KIF26A: variants seen among roughly 807,000 people sequenced by gnomAD.
The protein encoded by KIF26A is kinesin-like protein KIF26A.
In KIF26A, 74 loss-of-function variants were observed where a neutral mutation model predicts 126.0. The ratio of observed to expected loss-of-function variants is 0.59; its 90% CI spans 0.49 to 0.71. The LOEUF (loss-of-function observed/expected upper bound fraction) is 0.71, where lower values mean the gene tolerates loss of function less well. Among genes scored for constraint, KIF26A ranks in the 30% least tolerant of loss-of-function variants. The pLI, the probability that KIF26A is intolerant of heterozygous loss-of-function variation, is 0.00. For synonymous variants in KIF26A, 1,445 were observed against 1,232.7 expected, an observed-to-expected ratio of 1.17 and a Z score of -3.61; for missense variants, 2,984 against 2,763.3, an observed-to-expected ratio of 1.08 and a Z score of -1.79.
In KIF26A at chr14:104,176,920, G is replaced by A; in HGVS notation, c.4132G>A (p.Ala1378Thr). The A allele has an allele frequency of 6.5e-7, 1 of 1,537,472 alleles. No homozygotes were observed. Among genetic ancestry groups the A allele is most frequent in the South Asian group, 1.2e-5 (1 of 83,908 alleles). The change falls in exon 12 of 15, where the codon GCC (alanine) becomes ACC (threonine). Residue 1378 changes from alanine to threonine, a missense_variant. Transcript: ENST00000423312. Reference sequence around the variant, plus strand: ...CAGCCTGGAGCAGAGGAGCAGCCCGGCCTCGGCCCCTCCGCATGCTGTGAA... The same window carrying A: ...CAGCCTGGAGCAGAGGAGCAGCCCGACCTCGGCCCCTCCGCATGCTGTGAA... ...KSSLEQRSSP[A>T]SAPPHAVNPA...
chr14:104,178,651 CT>C lies in KIF26A; in HGVS notation c.5213del (p.Leu1738ArgfsTer5), dbSNP rs1351353140. The C allele has an allele frequency of 2.6e-6, 4 of 1,555,188 alleles. No individual in the cohort carries two copies. Among genetic ancestry groups the C allele is most frequent in the Non-Finnish European group, 3.5e-6 (4 of 1,150,096 alleles). On this transcript the variant is annotated frameshift_variant, in exon 13 of 15. Transcript: ENST00000423312. LOFTEE classifies it high-confidence loss of function. Reference sequence around the variant, plus strand: ...GCAGTGGGTGGACCTGCCCCCGCCCCTGGCTGGCTCCCTGAAGGAGCCGTTC... The same window carrying C: ...GCAGTGGGTGGACCTGCCCCCGCCCCGGCTGGCTCCCTGAAGGAGCCGTTC... ...PGQWVDLPPP[L>X]AGSLKEPFEI...
At position 104,152,514 on chromosome 14, in the gene KIF26A, G is replaced by C; in HGVS notation, c.735+53G>C. On this transcript the variant is annotated intron_variant, in intron 3 of 14. Coordinates refer to ENST00000423312, the MANE Select transcript of KIF26A (RefSeq NM_015656.2). This position sits in a 1 kb window ranked among gnomAD's most constrained non-coding sequence, Gnocchi z 5.9. ...CTGCTGGCCTCCTTGTCAGAACTGG[G>C]CTTCCTTCGGGGGTCTCTGTCCACG... 6.8e-7 allele frequency: 1 copy of C among 1,473,560 alleles called. No individual in the cohort carries two copies. Among genetic ancestry groups the C allele is most frequent in the East Asian group, 2.5e-5 (1 of 40,500 alleles). The allele number at this position is 1,473,560 out of a possible 1,614,324, so 91.3% of individuals were successfully genotyped here. A position where few individuals can be genotyped will look rare whatever the true frequency, so the allele number is the denominator to read the frequency against.
chr14:104,161,387 C>T (rs1314912401), intron 4 of KIF26A, among the ~76,000 whole-genome samples: 2 of 152,204 alleles, frequency 1.3e-5, no homozygotes, highest in Non-Finnish European at 2.9e-5. Context: ...TAAGTGATTC[C>T]TGCACGCGAC....
chr14:104,149,379 C>G (rs1246858430), intron 2 of KIF26A, among the ~76,000 whole-genome samples: 2 of 152,170 alleles, frequency 1.3e-5, no homozygotes, highest in Admixed American at 1.3e-4. Flanking sequence ...CTGGCTGGCA[C>G]CTGGGCTGCT....
intron 5 of KIF26A, among the ~76,000 whole-genome samples, chr14:104,170,957 G>A (rs1210052285): frequency 2.0e-5 from 3 of 152,264 alleles, no homozygotes; most frequent in Non-Finnish European, 2.9e-5. Flanking sequence ...CAGCACCAGG[G>A]CTGCCTGGTT....
intron 3 of KIF26A, among the ~76,000 whole-genome samples, chr14:104,153,959 T>G (rs1483129296): frequency 6.6e-6 from 1 of 152,154 alleles, no homozygotes; most frequent in Non-Finnish European, 1.5e-5. Context: ...ATGTGCACAT[T>G]GATCGTGGCC....
intron 4 of KIF26A, among the ~76,000 whole-genome samples, chr14:104,161,008 C>T (rs552237200): frequency 5.4e-5 from 8 of 148,644 alleles, no homozygotes; most frequent in Admixed American, 2.7e-4. Context: ...AGCAGAAGTG[C>T]AGCGCCTGCG....
At chr14:104,174,333 C>A in intron 11 of KIF26A, 23 bp downstream of exon 11, 3 of 1,504,592 alleles carry the variant, frequency 2.0e-6, no homozygotes, top group Non-Finnish European at 2.7e-6. Flanking sequence ...TCCTGCCCGC[C>A]CCATCTCGGG....
At chr14:104,160,624 G>A (rs936418485) in intron 4 of KIF26A, among the ~76,000 whole-genome samples, 8 of 152,166 alleles carry the variant, frequency 5.3e-5, no homozygotes, top group African/African-American at 1.9e-4. Context: ...GTGGCCCCGG[G>A]GTTAGGAGTT....
In KIF26A at chr14:104,167,191, T is replaced by C. The variant is rs985995570; in HGVS notation, c.1113+143T>C. 14 of 908,686 alleles carry C rather than the reference T, an allele frequency of 1.5e-5. No individual in the cohort carries two copies. The Admixed American group carries it at 2.3e-4, about 15-fold the overall frequency. The allele number at this position is 908,686 out of a possible 1,614,324, so 56.3% of individuals were successfully genotyped here. A position where few individuals can be genotyped will look rare whatever the true frequency, so the allele number is the denominator to read the frequency against. ...GGTCAGTGGGGTGCCATGGGGAGAC[T>C]GAGGCCCAGGTGGCAGCAGGGAGCC... On this transcript the variant is annotated intron_variant, in intron 5 of 14. Transcript: ENST00000423312.
In KIF26A at chr14:104,178,707, G is replaced by C; in HGVS notation, c.5268G>C (p.Val1756=). The change falls in exon 13 of 15, where the codon GTG becomes GTC. Residue 1756 remains valine, a synonymous_variant. Coordinates refer to ENST00000423312, the MANE Select transcript of KIF26A (RefSeq NM_015656.2). ...FEIKVYEIDD[V]ERLQRPRPTP... is the part of the protein sequence containing the mutation. ...TCAAGGTGTACGAGATCGATGACGT[G>C]GAGCGCCTTCAGCGGCCCCGCCCCA... 2 of 1,561,852 alleles carry C rather than the reference G, an allele frequency of 1.3e-6. No homozygotes were observed. Among genetic ancestry groups the C allele is most frequent in the Non-Finnish European group, 1.7e-6 (2 of 1,153,200 alleles).
In KIF26A at chr14:104,177,264, G is replaced by A. The variant is rs200305714; in HGVS notation, c.4476G>A (p.Lys1492=). The A allele has an allele frequency of 3.4e-4, 546 of 1,594,594 alleles. 1 individual carries two copies. In the African/African-American group the frequency reaches 6.5e-3, roughly 19 times the overall value. ...CAGCCAAGGCTGTGGGGGCCCCCAA[G>A]CCCCCTGTTGGTGGAGGCAAGGGCC... The part of the protein sequence containing the change: ...SGAAKAVGAP[K]PPVGGGKGRG... Residue 1492 remains lysine, a synonymous_variant, in exon 12 of 15, where the codon AAG becomes AAA. Coordinates refer to ENST00000423312, the MANE Select transcript of KIF26A (RefSeq NM_015656.2).
At chr14:104,174,041 T>C in intron 10 of KIF26A, 107 bp from the exon 11 acceptor site, 1 of 1,410,158 alleles carries the variant, frequency 7.1e-7, no homozygotes, top group Non-Finnish European at 9.4e-7. Context: ...GCTGGGCTGG[T>C]GCCGGAGCTG....
chr14:104,155,491 T>A (rs1596136971), intron 3 of KIF26A, among the ~76,000 whole-genome samples: 1 of 34,364 alleles, frequency 2.9e-5, no homozygotes, highest in Non-Finnish European at 1.0e-4. Flanking sequence ...TTTCCTTCCG[T>A]TTGCTGCTGT....
In KIF26A at chr14:104,166,960, G is replaced by A. The variant is rs2141109893; in HGVS notation, c.1025G>A (p.Gly342Glu). The A allele has an allele frequency of 6.3e-7, 1 of 1,590,738 alleles. No homozygotes were observed. The highest frequency in any genetic ancestry group is 2.3e-5 in the East Asian group (1 of 43,722). Residue 342 changes from glycine to glutamate, a missense_variant, in exon 5 of 15, where the codon GGG (glycine) becomes GAG (glutamate). Physicochemically the swap from Gly to Glu is moderately conservative, Grantham distance 98. Transcript: ENST00000423312. Reference sequence around the variant, plus strand: ...TCCACCTACCCCACCGACTTCAGCGGGGTCCTGCAGCTGTGGCCGCCCCCG... The same window carrying A: ...TCCACCTACCCCACCGACTTCAGCGAGGTCCTGCAGCTGTGGCCGCCCCCG... ...GTSTYPTDFS[G>E]VLQLWPPPAP...
At chr14:104,164,260 C>T (rs1282622195) in intron 4 of KIF26A, among the ~76,000 whole-genome samples, 6 of 127,912 alleles carry the variant, frequency 4.7e-5, no homozygotes, top group Admixed American at 1.6e-4. Flanking sequence ...GTGGGGGGGG[C>T]GTGGGGCATG....
rs573167604 is a variant in KIF26A at position 104,176,709 on chromosome 14, G to A, written c.3921G>A (p.Arg1307=). 6.3e-7 allele frequency: 1 copy of A among 1,588,172 alleles called. No individual in the cohort carries two copies. The highest frequency in any genetic ancestry group is 2.3e-5 in the East Asian group (1 of 44,236). ...PEAVARIPPL[R]RGATTLGVTT... is the part of the protein sequence containing the mutation. ...CTGTGGCTCGGATCCCACCGCTGCGGAGGGGTGCCACCACGCTGGGTGTGA... is the reference window on the plus strand; with the variant it reads ...CTGTGGCTCGGATCCCACCGCTGCGAAGGGGTGCCACCACGCTGGGTGTGA... Residue 1307 remains arginine, a synonymous_variant, in exon 12 of 15, where the codon CGG becomes CGA. Transcript: ENST00000423312.
intron 5 of KIF26A, among the ~76,000 whole-genome samples, chr14:104,168,522 G>A (rs1051952346): frequency 3.9e-5 from 6 of 152,156 alleles, no homozygotes; most frequent in East Asian, 1.9e-4. Flanking sequence ...AGGCCATGGC[G>A]GGTCCGGGTG....
intron 2 of KIF26A, among the ~76,000 whole-genome samples, chr14:104,143,952 C>T (rs1304042308): frequency 6.6e-6 from 1 of 152,226 alleles, no homozygotes; most frequent in African/African-American, 2.4e-5. Flanking sequence ...AAGGGCTCTG[C>T]TCGGGAGGCC....
Sources: allele counts gnomAD v4.1 joint callset (sites outside exome capture counted in the v4.1 genomes callset), GRCh38; gene constraint gnomAD v4.1.1; non-coding constraint Gnocchi (gnomAD v3.1); transcripts MANE v1.5; gene names NCBI Gene and HGNC (gene_info 2026-07-23, HGNC 2026-07-21).